Variants in PPP1R13B observed in about 807,000 individuals in gnomAD.
The protein encoded by PPP1R13B is apoptosis-stimulating of p53 protein 1.
A neutral mutation model predicts 119.8 loss-of-function variants in PPP1R13B; 44 were observed. That is an observed-to-expected ratio of 0.37 (90% CI 0.29 to 0.47). PPP1R13B has a LOEUF of 0.47. Among genes scored for constraint, PPP1R13B ranks in the 20% least tolerant of loss-of-function variants. PPP1R13B has a pLI of 0.99. For synonymous variants in PPP1R13B, 542 were observed against 561.5 expected (o/e 0.97, Z 0.49); for missense variants, 1,227 against 1,413.5 (o/e 0.87, Z 2.12).
chr14:103,752,801 G>A (rs1260002544), intron 7 of PPP1R13B, among the ~76,000 whole-genome samples, 199 bp downstream of exon 7: 1 of 152,136 alleles, frequency 6.6e-6, no homozygotes, highest in Non-Finnish European at 1.5e-5. Flanking sequence ...CCAAAGTGCT[G>A]GGATTATAGG....
intron 3 of PPP1R13B, among the ~76,000 whole-genome samples, chr14:103,782,344 AGCATTCT>A (rs1316369731): frequency 6.6e-6 from 1 of 152,186 alleles, no homozygotes; most frequent in Non-Finnish European, 1.5e-5. Context: ...ACGGCTGCAG[AGCATTCT>A]GCTGTGTAGA....
intron 2 of PPP1R13B, among the ~76,000 whole-genome samples, chr14:103,796,856 C>T (rs896228282): frequency 2.0e-5 from 3 of 151,946 alleles, no homozygotes; most frequent in Admixed American, 6.6e-5. Context: ...TACTGGGAGG[C>T]GGAGGCACAA....
chr14:103,801,843 C>T (rs527431105), intron 1 of PPP1R13B, among the ~76,000 whole-genome samples: 17 of 152,252 alleles, frequency 1.1e-4, no homozygotes, highest in African/African-American at 3.9e-4. Context: ...TAAGATATAT[C>T]CAGTCTGTTC....
chr14:103,801,433 A>G (rs1567134787), intron 1 of PPP1R13B, among the ~76,000 whole-genome samples: 1 of 152,162 alleles, frequency 6.6e-6, no homozygotes, highest in African/African-American at 2.4e-5. Flanking sequence ...CTCCATCAGC[A>G]TCAATGGAGT....
chr14:103,847,596 G>A, upstream of PPP1R13B: 7 of 986,094 alleles, frequency 7.1e-6, no homozygotes, highest in Non-Finnish European at 8.4e-6. Context: ...CGCCCGGCTC[G>A]CTCTTCAGCC....
At chr14:103,797,572 A>G in intron 1 of PPP1R13B, 54 bp from the exon 2 acceptor site, 2 of 1,480,278 alleles carry the variant, frequency 1.4e-6, no homozygotes, top group Non-Finnish European at 1.9e-6. Flanking sequence ...CAAACAGATT[A>G]ATCTGTAAAT....
At chr14:103,785,544 A>C (rs1414320320) in intron 2 of PPP1R13B, among the ~76,000 whole-genome samples, 1 of 108,348 alleles carries the variant, frequency 9.2e-6, no homozygotes, top group Non-Finnish European at 1.8e-5. Context: ...TTTGAGACAG[A>C]GTTTTGCTCT....
At chr14:103,746,658 G>A in intron 8 of PPP1R13B, 105 bp from the exon 9 acceptor site, 2 of 1,094,038 alleles carry the variant, frequency 1.8e-6, no homozygotes, top group Non-Finnish European at 2.5e-6. Context: ...TCACTCAGTG[G>A]TTGGTTTTTA....
intron 1 of PPP1R13B, among the ~76,000 whole-genome samples, chr14:103,812,994 T>C (rs2086196381): frequency 6.6e-6 from 1 of 152,204 alleles, no homozygotes. Context: ...GACAGTTTGG[T>C]GGCTTCTTAA....
At chr14:103,752,282 A>G (rs2084566908) in intron 7 of PPP1R13B, among the ~76,000 whole-genome samples, 1 of 152,194 alleles carries the variant, frequency 6.6e-6, no homozygotes, top group African/African-American at 2.4e-5. Context: ...CCTGTACTGC[A>G]TGATTCCATT....
intron 7 of PPP1R13B, among the ~76,000 whole-genome samples, chr14:103,750,486 C>G (rs1358555918): frequency 6.6e-6 from 1 of 152,224 alleles, no homozygotes; most frequent in Non-Finnish European, 1.5e-5. Context: ...AGCACTAGTA[C>G]ATACACACTT....
chr14:103,845,864 T>C (rs1446142483), intron 1 of PPP1R13B, among the ~76,000 whole-genome samples: 3 of 152,222 alleles, frequency 2.0e-5, no homozygotes, highest in African/African-American at 7.2e-5. Flanking sequence ...CTTATAAAGT[T>C]AGAAATTGAA....
chr14:103,823,765 A>G (rs2086467720), intron 1 of PPP1R13B, among the ~76,000 whole-genome samples: 1 of 152,106 alleles, frequency 6.6e-6, no homozygotes, highest in Non-Finnish European at 1.5e-5. Flanking sequence ...AACAACTTTC[A>G]AGCCTGCCAG....
chr14:103,775,158 T>C (rs2085157114), intron 4 of PPP1R13B, among the ~76,000 whole-genome samples: 5 of 152,186 alleles, frequency 3.3e-5, no homozygotes, highest in Admixed American at 2.0e-4. Context: ...TATTATATCA[T>C]ATACAACACA....
chr14:103,742,708 G>A lies in PPP1R13B; in HGVS notation c.1266C>T (p.Gly422=), dbSNP rs778720339. 6.2e-7 allele frequency: 1 copy of A among 1,614,004 alleles called. No homozygotes were observed. The highest frequency in any genetic ancestry group is 8.5e-7 in the Non-Finnish European group (1 of 1,180,032). Residue 422 remains glycine (G), a synonymous_variant, in exon 10 of 17, where the codon GGC becomes GGT. Transcript: ENST00000202556. The surrounding 1 kb of genome is among the most constrained non-coding windows in gnomAD (Gnocchi z 4.9). ...DPSVEGSVKQ[G]TVSSQPVPFS... Reference sequence around the variant, plus strand: ...AGGGCACAGGCTGGCTGGAGACAGTGCCCTGCTTGACAGACCCCTCCACGC... The same window carrying A: ...AGGGCACAGGCTGGCTGGAGACAGTACCCTGCTTGACAGACCCCTCCACGC...
chr14:103,773,001 A>C (rs1206070270), intron 4 of PPP1R13B, among the ~76,000 whole-genome samples: 1 of 152,068 alleles, frequency 6.6e-6, no homozygotes, highest in Non-Finnish European at 1.5e-5. Flanking sequence ...TTGTTTTCTT[A>C]TTATTAAGCT....
chr14:103,841,482 C>G (rs1369724412), intron 1 of PPP1R13B, among the ~76,000 whole-genome samples: 1 of 151,866 alleles, frequency 6.6e-6, no homozygotes, highest in African/African-American at 2.4e-5. Context: ...CCCAGCTACT[C>G]AGGACGCTGA....
At chr14:103,820,096 G>T (rs911225594) in intron 1 of PPP1R13B, among the ~76,000 whole-genome samples, 1 of 152,118 alleles carries the variant, frequency 6.6e-6, no homozygotes, top group African/African-American at 2.4e-5. Flanking sequence ...CAAGGGGGAG[G>T]GGCAGGGGAA....
intron 7 of PPP1R13B, 25 bp downstream of exon 7, chr14:103,752,975 A>C: frequency 6.2e-7 from 1 of 1,601,018 alleles, no homozygotes. Flanking sequence ...GTTTTAATAC[A>C]ACCATTGCCA....
Sources: allele counts gnomAD v4.1 joint callset (sites outside exome capture counted in the v4.1 genomes callset), GRCh38; gene constraint gnomAD v4.1.1; non-coding constraint Gnocchi (gnomAD v3.1); transcripts MANE v1.5; gene names NCBI Gene and HGNC (gene_info 2026-07-23, HGNC 2026-07-21).